The following ZFHX3 variants were observed in gnomAD, a reference collection of about 807,000 sequenced individuals.
ZFHX3 encodes the protein zinc finger homeobox 3, also known as zinc finger homeobox protein 3.
In ZFHX3, 42 loss-of-function variants were observed where a neutral mutation model predicts 279.1. The ratio of observed to expected loss-of-function variants is 0.15; its 90% CI spans 0.12 to 0.19. The LOEUF (loss-of-function observed/expected upper bound fraction) is 0.19. Among genes scored for constraint, ZFHX3 ranks in the 10% least tolerant of loss-of-function variants. The pLI is 1.00. For missense variants in ZFHX3, 4,981 were observed against 4,754.0 expected (o/e 1.05, Z -1.40); for synonymous variants, 2,293 against 1,957.8 (o/e 1.17, Z -4.52).
chr16:72,788,703 G>A lies in ZFHX3; in HGVS notation c.9573C>T (p.Gly3191=). The change falls in exon 10 of 10, where the codon GGC becomes GGT. Residue 3191 remains glycine, a synonymous_variant. Transcript: ENST00000268489. ...PTPAQATMAM[G]PQQPPQQQQQ... is the part of the protein sequence containing the mutation. Reference sequence around the variant, plus strand: ...GCTGCTGCTGGGGGGGTTGCTGAGGGCCCATCGCCATCGTGGCTTGTGCTG... The same window carrying A: ...GCTGCTGCTGGGGGGGTTGCTGAGGACCCATCGCCATCGTGGCTTGTGCTG... The A allele has an allele frequency of 6.2e-7, 1 of 1,611,906 alleles. No homozygotes were observed. The highest frequency in any genetic ancestry group is 1.1e-5 in the South Asian group (1 of 90,818).
chr16:72,956,100 A>G (rs1160862590), intron 2 of ZFHX3, among the ~76,000 whole-genome samples: 1 of 152,264 alleles, frequency 6.6e-6, no homozygotes, highest in Non-Finnish European at 1.5e-5. Context: ...AAATGAGATT[A>G]AAGTACTAAG....
At chr16:73,218,694 G>A (rs987667638) in intron 5 of ZFHX3, among the ~76,000 whole-genome samples, 7 of 152,146 alleles carry the variant, frequency 4.6e-5, no homozygotes, top group African/African-American at 9.7e-5. Context: ...GCTTGAACCC[G>A]GGAGGTGGAG....
intron 1 of ZFHX3, among the ~76,000 whole-genome samples, chr16:72,970,139 C>A (rs1205760938): frequency 6.6e-6 from 1 of 151,772 alleles, no homozygotes. Flanking sequence ...TGGAGGGCAA[C>A]AGGAGAGAGT....
At chr16:73,254,517 T>G (rs1299344081) in intron 5 of ZFHX3, among the ~76,000 whole-genome samples, 1 of 151,988 alleles carries the variant, frequency 6.6e-6, no homozygotes, top group Non-Finnish European at 1.5e-5. Context: ...ATCATGGGAT[T>G]CTTTTTTGAA....
chr16:73,046,311 G>A (rs1375223458), intron 1 of ZFHX3, among the ~76,000 whole-genome samples: 1 of 152,166 alleles, frequency 6.6e-6, no homozygotes, highest in African/African-American at 2.4e-5. Context: ...GTAGCAAGAG[G>A]GATTCAGAAT....
intron 1 of ZFHX3, among the ~76,000 whole-genome samples, chr16:72,982,404 G>A (rs547668130): frequency 6.6e-6 from 1 of 152,228 alleles, no homozygotes; most frequent in South Asian, 2.1e-4. Flanking sequence ...GCTCCATGAA[G>A]GCATCATTTC....
rs149626075 is a variant in ZFHX3 at position 72,856,412 on chromosome 16, G to T, written c.3449-26553C>A. 8.0e-4 allele frequency among the ~76,000 whole-genome samples: 122 copies of T among 152,338 alleles called. 1 individual carries two copies. Among genetic ancestry groups the T allele is most frequent in the African/African-American group, 2.9e-3 (119 of 41,570 alleles). On this transcript the variant is annotated intron_variant, in intron 4 of 9. Coordinates refer to ENST00000268489, the MANE Select transcript of ZFHX3 (RefSeq NM_006885.4). ...CCGGTGTTCCCAAGTGAAGAGCTGC[G>T]TCTCTATCAAAGCACAGGCCAGGTG... is the stretch of plus-strand genomic sequence containing the variant.
At chr16:73,756,453 C>G (rs2053809905) in intron 1 of ZFHX3, among the ~76,000 whole-genome samples, 1 of 152,062 alleles carries the variant, frequency 6.6e-6, no homozygotes, top group Non-Finnish European at 1.5e-5. Flanking sequence ...ATCATTCACA[C>G]GACATGAGCT....
chr16:73,046,451 G>C (rs1401078205), intron 1 of ZFHX3, among the ~76,000 whole-genome samples: 1 of 152,026 alleles, frequency 6.6e-6, no homozygotes, highest in Admixed American at 6.5e-5. Context: ...CAGCACTCTC[G>C]TGTCCTCCTC....
chr16:73,016,316 T>A (rs148730371), intron 1 of ZFHX3, among the ~76,000 whole-genome samples: 1 of 152,156 alleles, frequency 6.6e-6, no homozygotes, highest in East Asian at 1.9e-4. Flanking sequence ...GATTACTCAA[T>A]AGGATTTAAA....
intron 3 of ZFHX3, among the ~76,000 whole-genome samples, chr16:73,329,459 A>G (rs1442937648): frequency 1.3e-5 from 2 of 152,384 alleles, no homozygotes; most frequent in African/African-American, 4.8e-5. Context: ...ATTCATGTCC[A>G]GATGCCTCGA....
chr16:73,437,841 T>C lies in ZFHX3; in HGVS notation c.-1291+18162A>G, dbSNP rs746674705. Among the ~76,000 whole-genome samples the C allele has an allele frequency of 3.1e-4, 47 of 152,368 alleles. 1 individual carries two copies. The highest frequency in any genetic ancestry group is 1.3e-3 in the Admixed American group (20 of 15,312). ...CCCTGTTTGCAAAGTTTCCCCATTA[T>C]GCATGAATGCGTTTTAAGTTTTCAA... On this transcript the variant is annotated intron_variant, in intron 3 of 17. Coordinates refer to the ZFHX3 transcript ENST00000641206.
chr16:73,363,050 C>T (rs2016459623), intron 3 of ZFHX3, among the ~76,000 whole-genome samples: 1 of 152,164 alleles, frequency 6.6e-6, no homozygotes, highest in Non-Finnish European at 1.5e-5. Flanking sequence ...GGCCTCATGC[C>T]TTTCTTTCAG....
In ZFHX3 at chr16:72,796,187, G is replaced by C; in HGVS notation, c.6495C>G (p.Asp2165Glu). Residue 2165 changes from aspartate (D) to glutamate (E), a missense_variant, in exon 9 of 10, where the codon GAC (aspartate) becomes GAG (glutamate). Transcript: ENST00000268489. The stretch of plus-strand genomic sequence containing the variant: ...GCTCTTCACTGGGGGAGTTGTTAAT[G>C]TCAAAATATTGCCGCAAGACTCGGA... ...DQLRVLRQYF[D>E]INNSPSEEQI... 1 of 1,614,116 alleles carries C rather than the reference G, an allele frequency of 6.2e-7. No homozygotes were observed. Among genetic ancestry groups the C allele is most frequent in the Non-Finnish European group, 8.5e-7 (1 of 1,180,038 alleles).
intron 3 of ZFHX3, among the ~76,000 whole-genome samples, chr16:72,918,172 A>G (rs1345685757): frequency 3.3e-5 from 5 of 152,188 alleles, no homozygotes; most frequent in African/African-American, 1.2e-4. Context: ...ACCACGTCCC[A>G]TCAAAGGCAT....
At chr16:73,027,311 C>T (rs929709417) in intron 1 of ZFHX3, among the ~76,000 whole-genome samples, 9 of 152,148 alleles carry the variant, frequency 5.9e-5, no homozygotes, top group Non-Finnish European at 8.8e-5. Context: ...AAAGACAAAC[C>T]GTGATCATTC....
chr16:72,797,114 G>T lies in ZFHX3; in HGVS notation c.5568C>A (p.Asn1856Lys), dbSNP rs768659172. 6.2e-7 allele frequency: 1 copy of T among 1,613,926 alleles called. No homozygotes were observed. The highest frequency in any genetic ancestry group is 1.7e-5 in the Admixed American group (1 of 60,022). Reference sequence around the variant, plus strand: ...AGTGACTCTGGGCTATAGAGAGTTGGTTCTGCTGCTGCTGCGGCAAGATCT... The same window carrying T: ...AGTGACTCTGGGCTATAGAGAGTTGTTTCTGCTGCTGCTGCGGCAAGATCT... ...HQQILPQQQQ[N>K]QLSIAQSHSA... The change falls in exon 9 of 10, where the codon AAC becomes AAA. Residue 1856 changes from asparagine (N) to lysine (K), a missense_variant. Physicochemically the swap from Asn to Lys is moderately conservative, Grantham distance 94 (BLOSUM62 0). This residue lies in a region of ZFHX3 where 1,751 missense variants were observed against 1,770.0 expected (regional missense o/e 0.99). Transcript: ENST00000268489.
chr16:72,830,799 G>A (rs2037043099), intron 4 of ZFHX3, among the ~76,000 whole-genome samples: 1 of 152,184 alleles, frequency 6.6e-6, no homozygotes, highest in Admixed American at 6.5e-5. Context: ...CAGTAAGAGT[G>A]GGCTAAGGGA....
At chr16:73,257,247 C>G (rs1373030354) in intron 4 of ZFHX3, 8 of 152,160 alleles carry the variant, frequency 5.3e-5, no homozygotes. Flanking sequence ...TAGAGTCAAA[C>G]TAGATTGAGG....
Sources: gnomAD v4.1 joint callset for allele counts (sites outside exome capture counted in the v4.1 genomes callset) on GRCh38, gnomAD v4.1.1 for gene constraint, gnomAD v4.1.1 regional missense constraint, MANE v1.5 for transcripts, NCBI Gene and HGNC (gene_info 2026-07-23, HGNC 2026-07-21) for gene names.